The following KHDRBS2 variants were observed in gnomAD, a reference collection of about 807,000 sequenced individuals.
KHDRBS2 encodes KH domain-containing, RNA-binding, signal transduction-associated protein 2.
Under a neutral mutation model 44.3 loss-of-function variants are expected in KHDRBS2, and 26 were observed. That is an observed-to-expected ratio of 0.59 (90% CI 0.43 to 0.81). The LOEUF is 0.81. KHDRBS2 is among the 40% of genes least tolerant of loss of function. The probability of loss-of-function intolerance (pLI) is 0.00; values close to 1 mark genes in which losing one functional copy is unlikely to be tolerated. For missense variants in KHDRBS2, 476 were observed against 433.1 expected (o/e 1.10, Z -0.88); for synonymous variants, 194 against 151.1 (o/e 1.28, Z -2.08).
the KHDRBS2 span, among the ~76,000 whole-genome samples, chr6:61,610,127 G>T: frequency 6.6e-6 from 1 of 151,892 alleles, no homozygotes; most frequent in Non-Finnish European, 1.5e-5. Flanking sequence ...AGTGAGCCAA[G>T]ATCACGCCAC....
intron 3 of KHDRBS2, among the ~76,000 whole-genome samples, chr6:62,046,888 T>A (rs1311167519): frequency 6.6e-6 from 1 of 151,870 alleles, no homozygotes; most frequent in Non-Finnish European, 1.5e-5. Flanking sequence ...AGTTGATTAT[T>A]GAACCATTCT....
intron 3 of KHDRBS2, among the ~76,000 whole-genome samples, chr6:62,040,246 C>T (rs562960449): frequency 3.9e-5 from 6 of 151,982 alleles, no homozygotes; most frequent in Non-Finnish European, 7.4e-5. Flanking sequence ...CAGACACACG[C>T]ATGCACGCAC....
intron 2 of KHDRBS2, among the ~76,000 whole-genome samples, chr6:62,109,348 A>T (rs1465046239): frequency 6.6e-6 from 1 of 151,906 alleles, no homozygotes; most frequent in Non-Finnish European, 1.5e-5. Flanking sequence ...AAAATTCCTT[A>T]TTTTTTTCAA....
At chr6:61,771,456 G>A (rs1173533039) in intron 6 of KHDRBS2, among the ~76,000 whole-genome samples, 2 of 152,104 alleles carry the variant, frequency 1.3e-5, no homozygotes, top group East Asian at 3.9e-4. Context: ...CACGTGCAGA[G>A]ACACACATAG....
chr6:61,570,960 T>A, the KHDRBS2 span, among the ~76,000 whole-genome samples: 19 of 151,540 alleles, frequency 1.3e-4, no homozygotes, highest in Admixed American at 4.6e-4. Context: ...CAAAATAGAA[T>A]CTTCTTAAAG....
chr6:61,809,531 T>G (rs1359251158), intron 6 of KHDRBS2, among the ~76,000 whole-genome samples: 2 of 152,078 alleles, frequency 1.3e-5, no homozygotes, highest in Non-Finnish European at 2.9e-5. Flanking sequence ...ACCTTCATAC[T>G]CCTGCCTTCT....
At chr6:61,936,226 G>T (rs1166392048) in intron 4 of KHDRBS2, among the ~76,000 whole-genome samples, 2 of 151,890 alleles carry the variant, frequency 1.3e-5, no homozygotes, top group Non-Finnish European at 2.9e-5. Flanking sequence ...CCTTCCACTA[G>T]ATTGATCACA....
intron 6 of KHDRBS2, among the ~76,000 whole-genome samples, chr6:61,787,128 A>G (rs777407478): frequency 1.5e-4 from 23 of 150,530 alleles, no homozygotes; most frequent in South Asian, 4.2e-4. Flanking sequence ...GCATAGAGTT[A>G]CGGTGTTGTT....
chr6:62,091,168 C>T (rs982980824), intron 2 of KHDRBS2, among the ~76,000 whole-genome samples: 3 of 152,106 alleles, frequency 2.0e-5, no homozygotes, highest in Non-Finnish European at 2.9e-5. Flanking sequence ...GTTCTTGATC[C>T]CACTGGACAG....
chr6:61,793,594 C>G (rs1472806555), intron 6 of KHDRBS2, among the ~76,000 whole-genome samples: 10 of 151,958 alleles, frequency 6.6e-5, no homozygotes, highest in Non-Finnish European at 1.5e-4. Context: ...CAACTAAATA[C>G]TGAAAATTTT....
At chr6:61,928,375 C>T (rs1487281913) in intron 4 of KHDRBS2, among the ~76,000 whole-genome samples, 1 of 152,012 alleles carries the variant, frequency 6.6e-6, no homozygotes, top group Admixed American at 6.6e-5. Flanking sequence ...ACTTTCCAAT[C>T]CTCAGAGGAG....
chr6:61,742,248 G>A (rs958001038), intron 6 of KHDRBS2, among the ~76,000 whole-genome samples: 21 of 151,940 alleles, frequency 1.4e-4, no homozygotes, highest in African/African-American at 4.1e-4. Flanking sequence ...TCTTAAAAAC[G>A]TGTCCCTGTC....
chr6:61,579,606 C>T, the KHDRBS2 span, among the ~76,000 whole-genome samples: 28 of 152,166 alleles, frequency 1.8e-4, no homozygotes, highest in South Asian at 3.9e-3. Context: ...TGAAACAAGC[C>T]GCAAAGTTGG....
At chr6:62,098,244 GTT>G (rs35184806) in intron 2 of KHDRBS2, among the ~76,000 whole-genome samples, 11,184 of 127,810 alleles carry the variant, frequency 0.088, 364 homozygotes, top group African/African-American at 0.12. Flanking sequence ...AGCTTCAAAC[GTT>G]TTTTTTTTTT....
chr6:61,780,182 T>C (rs1009939414), intron 6 of KHDRBS2, among the ~76,000 whole-genome samples: 20 of 152,168 alleles, frequency 1.3e-4, no homozygotes, highest in African/African-American at 2.4e-5. Flanking sequence ...ATTTAAAAAA[T>C]ATACCTTCAG....
At chr6:61,743,523 G>T (rs1417048971) in intron 6 of KHDRBS2, among the ~76,000 whole-genome samples, 1 of 151,814 alleles carries the variant, frequency 6.6e-6, no homozygotes, top group Non-Finnish European at 1.5e-5. Flanking sequence ...AACACAATTT[G>T]GGATTTTACC....
At chr6:62,171,948 C>A (rs142507917) in intron 2 of KHDRBS2, among the ~76,000 whole-genome samples, 1 of 152,038 alleles carries the variant, frequency 6.6e-6, no homozygotes, top group Non-Finnish European at 1.5e-5. Context: ...TGGAAACAAA[C>A]GACCATTATG....
chr6:61,848,919 A>G (rs888702089), intron 6 of KHDRBS2, among the ~76,000 whole-genome samples: 7 of 152,020 alleles, frequency 4.6e-5, no homozygotes, highest in Non-Finnish European at 7.4e-5. Flanking sequence ...ATAAACTTGA[A>G]TTTAAGCATT....
intron 1 of KHDRBS2, among the ~76,000 whole-genome samples, chr6:62,206,873 G>A (rs1828066547): frequency 6.6e-6 from 1 of 152,022 alleles, no homozygotes; most frequent in African/African-American, 2.4e-5. Context: ...TTTGACTTCA[G>A]TAAAAATTCC....
Sources: gnomAD v4.1 joint callset for allele counts (sites outside exome capture counted in the v4.1 genomes callset) on GRCh38, gnomAD v4.1.1 for gene constraint, MANE v1.5 for transcripts, NCBI Gene and HGNC (gene_info 2026-07-23, HGNC 2026-07-21) for gene names.